The following ZNF740 variants were observed in gnomAD, a reference collection of about 807,000 sequenced individuals.
ZNF740 encodes zinc finger protein 740.
In ZNF740, 14 loss-of-function variants were observed where a neutral mutation model predicts 24.8. The ratio of observed to expected loss-of-function variants is 0.56; its 90% CI spans 0.37 to 0.88. ZNF740 has a LOEUF of 0.88. Among genes scored for constraint, ZNF740 ranks in the 40% least tolerant of loss-of-function variants. The pLI is 0.00. For missense variants in ZNF740, 201 were observed against 247.9 expected (o/e 0.81, Z 1.27); for synonymous variants, 69 against 84.0 (o/e 0.82, Z 0.98).
intron 1 of ZNF740, 158 bp from the exon 2 acceptor site, chr12:53,181,519 C>A (rs1243683986): frequency 2.0e-6 from 2 of 984,292 alleles, no homozygotes; most frequent in Non-Finnish European, 2.4e-6. Context: ...CCCAGGAGAC[C>A]AGTTCCTCCT....
intron 5 of ZNF740, 92 bp from the exon 6 acceptor site, chr12:53,186,299 C>T (rs1941819194): frequency 2.4e-6 from 3 of 1,267,118 alleles, no homozygotes; most frequent in African/African-American, 3.0e-5. Context: ...GGTGTCTACA[C>T]ATTACTAAGA....
Position 53,194,112 on chromosome 12 carries a change from A to G in ZNF740, c.*6522A>G, listed in dbSNP as rs1237874113. 4.5e-6 allele frequency: 7 copies of G among 1,572,946 alleles called. No individual in the cohort carries two copies. The East Asian group carries it at 1.3e-4, about 30-fold the overall frequency. On this transcript the variant is annotated 3_prime_UTR_variant, in exon 7 of 7. Transcript: ENST00000416904. ...CTCAGGCTCTCATGTCACTCCCTGTACCTGCCACCCATCTTTTCCTGCCTG... is the reference window on the plus strand; with the variant it reads ...CTCAGGCTCTCATGTCACTCCCTGTGCCTGCCACCCATCTTTTCCTGCCTG...
chr12:53,181,909 A>G lies in ZNF740; in HGVS notation c.-75A>G. On this transcript the variant is annotated 5_prime_UTR_variant, in exon 2 of 7. Transcript: ENST00000416904. ...TACCGTGATTTGGTGACAGTTCTTC[A>G]AAACGACAGTGTCTCAAGGAAAGGT... The G allele has an allele frequency of 6.4e-7, 1 of 1,568,420 alleles. No individual in the cohort carries two copies. The highest frequency in any genetic ancestry group is 8.7e-7 in the Non-Finnish European group (1 of 1,154,604).
At position 53,185,440 on chromosome 12, in the gene ZNF740, G is replaced by C. The variant is rs754285034; in HGVS notation, c.213G>C (p.Leu71Phe). 1 of 1,613,986 alleles carries C rather than the reference G, an allele frequency of 6.2e-7. No homozygotes were observed. The change falls in exon 4 of 7, where the codon TTG becomes TTC. Residue 71 changes from leucine to phenylalanine, a missense_variant. Leu to Phe is a conservative substitution (Grantham distance 22). This residue lies in a region of ZNF740 where 117 missense variants were observed against 122.3 expected (regional missense o/e 0.96). Coordinates refer to ENST00000416904, the MANE Select transcript of ZNF740 (RefSeq NM_001004304.4). Reference sequence around the variant, plus strand: ...GGAGCCGCAAAGATGATGACAGCTTGTCTGAGGCCTCTCATTCAAAAAAGA... The same window carrying C: ...GGAGCCGCAAAGATGATGACAGCTTCTCTGAGGCCTCTCATTCAAAAAAGA... ...KSRSRKDDDS[L>F]SEASHSKKTV...
Position 53,187,533 on chromosome 12 carries a change from C to A in ZNF740, c.525C>A (p.His175Gln). 6.2e-7 allele frequency: 1 copy of A among 1,614,022 alleles called. No individual in the cohort carries two copies. Among genetic ancestry groups the A allele is most frequent in the Non-Finnish European group, 8.5e-7 (1 of 1,179,894 alleles). Residue 175 changes from histidine to glutamine, a missense_variant, in exon 7 of 7, where the codon CAC (histidine) becomes CAA (glutamine). By Grantham distance (24) the His-to-Gln change is conservative. Transcript: ENST00000416904. ...CTCGGACAGATCGATTACTCAGACACAAACGGATGTGCCAAGGGTGCCAGT... is the reference window on the plus strand; with the variant it reads ...CTCGGACAGATCGATTACTCAGACAAAAACGGATGTGCCAAGGGTGCCAGT... ...CFSRTDRLLR[H>Q]KRMCQGCQSK...
In ZNF740 at chr12:53,181,906, T is replaced by A; in HGVS notation, c.-78T>A. On this transcript the variant is annotated 5_prime_UTR_variant, in exon 2 of 7. Coordinates refer to ENST00000416904, the MANE Select transcript of ZNF740 (RefSeq NM_001004304.4). ...CGCTACCGTGATTTGGTGACAGTTC[T>A]TCAAAACGACAGTGTCTCAAGGAAA... The A allele has an allele frequency of 6.4e-7, 1 of 1,563,680 alleles. No individual in the cohort carries two copies.
chr12:53,192,011 C>T lies in ZNF740; in HGVS notation c.*4421C>T. ...CCCAGCACAATGGCCTGCGTGTGGT[C>T]TGCTCCCTCTGTGAACAAGAAACCA... On this transcript the variant is annotated 3_prime_UTR_variant, in exon 7 of 7. Transcript: ENST00000416904. 1.9e-6 allele frequency: 3 copies of T among 1,611,446 alleles called. No individual in the cohort carries two copies. The highest frequency in any genetic ancestry group is 2.5e-6 in the Non-Finnish European group (3 of 1,178,744).
At position 53,193,540 on chromosome 12, in the gene ZNF740, A is replaced by AG; in HGVS notation, c.*5955dup. 2 of 748,332 alleles carry AG rather than the reference A, an allele frequency of 2.7e-6. No individual in the cohort carries two copies. Among genetic ancestry groups the AG allele is most frequent in the Non-Finnish European group, 4.3e-6 (2 of 462,850 alleles). 46.4% of individuals were successfully genotyped at this position (748,332 alleles called of 1,614,324 possible). ...TGAGAGAGTGGAGGGAGCCCCAGTC[A>AG]GGGGGAGGGCCTGGACATACATGGG... On this transcript the variant is annotated 3_prime_UTR_variant, in exon 7 of 7. Coordinates refer to ENST00000416904, the MANE Select transcript of ZNF740 (RefSeq NM_001004304.4).
At position 53,188,649 on chromosome 12, in the gene ZNF740, C is replaced by T. The variant is rs1941869944; in HGVS notation, c.*1059C>T. On this transcript the variant is annotated 3_prime_UTR_variant, in exon 7 of 7. Coordinates refer to ENST00000416904, the MANE Select transcript of ZNF740 (RefSeq NM_001004304.4). ...AGGAGCTGTTCTCCCTCCCCAAGTC[C>T]TATCACTGTATTCAGGTAGAGGAGG... 6.6e-6 allele frequency: 1 copy of T among 152,246 alleles called. No individual in the cohort carries two copies. The highest frequency in any genetic ancestry group is 2.4e-5 in the African/African-American group (1 of 41,424). 9.4% of individuals were successfully genotyped at this position (152,246 alleles called of 1,614,324 possible).
chr12:53,191,538 T>TA lies in ZNF740; in HGVS notation c.*3950dup. ...GTCCTCCAAGGAGAAGAGCCTTGGGTAAGTGTCCCTCCCTCCTTCAGAGAG... is the reference window on the plus strand; with the variant it reads ...GTCCTCCAAGGAGAAGAGCCTTGGGTAAAGTGTCCCTCCCTCCTTCAGAGAG... On this transcript the variant is annotated 3_prime_UTR_variant, in exon 7 of 7. Transcript: ENST00000416904. 1 of 1,589,648 alleles carries TA rather than the reference T, an allele frequency of 6.3e-7. No individual in the cohort carries two copies. Among genetic ancestry groups the TA allele is most frequent in the Non-Finnish European group, 8.6e-7 (1 of 1,157,750 alleles).
At position 53,194,463 on chromosome 12, in the gene ZNF740, T is replaced by A. The variant is rs1942086403; in HGVS notation, c.*6873T>A. 2 of 962,988 alleles carry A rather than the reference T, an allele frequency of 2.1e-6. No individual in the cohort carries two copies. Among genetic ancestry groups the A allele is most frequent in the Non-Finnish European group, 3.1e-6 (2 of 637,054 alleles). The allele number at this position is 962,988 out of a possible 1,614,324, so 59.7% of individuals were successfully genotyped here. On this transcript the variant is annotated 3_prime_UTR_variant, in exon 7 of 7. Transcript: ENST00000416904. The stretch of plus-strand genomic sequence containing the variant: ...CACCCTGCCCTCTGCCACCTGGGGC[T>A]CCTTCCATTCTGCCCAGTCGAGGCA...
In ZNF740 at chr12:53,180,785, C is replaced by T. The variant is rs1372324049; in HGVS notation, c.-360C>T. The T allele has an allele frequency of 5.5e-6, 7 of 1,273,190 alleles. No homozygotes were observed. The highest frequency in any genetic ancestry group is 7.1e-6 in the Non-Finnish European group (7 of 982,554). 78.9% of individuals were successfully genotyped at this position (1,273,190 alleles called of 1,614,324 possible). On this transcript the variant is annotated 5_prime_UTR_variant, in exon 1 of 7. Transcript: ENST00000416904. ...GTGGGGTTGGCAGGGTGTGCTGGGG[C>T]CTGGAGGAGGCGCCGCGCGGCCAGG...
chr12:53,184,777 C>G (rs1011908726), intron 2 of ZNF740, 114 bp from the exon 3 acceptor site: 2 of 1,261,920 alleles, frequency 1.6e-6, no homozygotes, highest in Non-Finnish European at 2.2e-6. Flanking sequence ...GAGGGACATT[C>G]CCTGGAGAGA....
chr12:53,191,681 C>T lies in ZNF740; in HGVS notation c.*4091C>T. The T allele has an allele frequency of 1.3e-6, 2 of 1,576,508 alleles. No homozygotes were observed. Among genetic ancestry groups the T allele is most frequent in the Non-Finnish European group, 1.7e-6 (2 of 1,145,916 alleles). ...ATTATAAGCAAAAATCCCAGGATTC[C>T]TCGTCCCCTTTCTAGACCTAAGAGG... On this transcript the variant is annotated 3_prime_UTR_variant, in exon 7 of 7. Coordinates refer to ENST00000416904, the MANE Select transcript of ZNF740 (RefSeq NM_001004304.4).
At position 53,191,771 on chromosome 12, in the gene ZNF740, G is replaced by A. The variant is rs770390837; in HGVS notation, c.*4181G>A. 29 of 1,577,492 alleles carry A rather than the reference G, an allele frequency of 1.8e-5. No homozygotes were observed. Among genetic ancestry groups the A allele is most frequent in the Non-Finnish European group, 2.4e-5 (28 of 1,148,794 alleles). ...CAGAGGGGTTGGTTACATGTGCCAGGGGCTGGGGGAACCCAGTGGGAGGAA... is the reference window on the plus strand; with the variant it reads ...CAGAGGGGTTGGTTACATGTGCCAGAGGCTGGGGGAACCCAGTGGGAGGAA... On this transcript the variant is annotated 3_prime_UTR_variant, in exon 7 of 7. Transcript: ENST00000416904.
At position 53,192,872 on chromosome 12, in the gene ZNF740, C is replaced by T. The variant is rs758705903; in HGVS notation, c.*5282C>T. ...TCGCATGCTCTGCCCGTGCGGTTGG[C>T]ATGACAGTGACATACTCCACATTGG... On this transcript the variant is annotated 3_prime_UTR_variant, in exon 7 of 7. Transcript: ENST00000416904. 6.2e-7 allele frequency: 1 copy of T among 1,614,190 alleles called. No homozygotes were observed. The highest frequency in any genetic ancestry group is 1.7e-5 in the Admixed American group (1 of 60,024).
intron 2 of ZNF740, chr12:53,182,223 A>T (rs1941673459): frequency 1.7e-6 from 1 of 579,594 alleles, no homozygotes; most frequent in African/African-American, 1.9e-5. Context: ...CACTGATGGG[A>T]CATTTGCAAA....
rs990100661 is a variant in ZNF740 at position 53,187,812 on chromosome 12, C to G, written c.*222C>G. ...ATCTCGGGGAAGTTCTTACAGCATTCCTGGGTAGGGGAGCTAGTCCCTGGA... is the reference window on the plus strand; with the variant it reads ...ATCTCGGGGAAGTTCTTACAGCATTGCTGGGTAGGGGAGCTAGTCCCTGGA... On this transcript the variant is annotated 3_prime_UTR_variant, in exon 7 of 7. Transcript: ENST00000416904. 2 of 536,818 alleles carry G rather than the reference C, an allele frequency of 3.7e-6. No homozygotes were observed. Among genetic ancestry groups the G allele is most frequent in the Non-Finnish European group, 6.7e-6 (2 of 296,914 alleles). The allele number at this position is 536,818 out of a possible 1,614,324, so 33.3% of individuals were successfully genotyped here. A position where few individuals can be genotyped will look rare whatever the true frequency, so the allele number is the denominator to read the frequency against.
chr12:53,184,997 G>C lies in ZNF740; in HGVS notation c.116G>C (p.Gly39Ala). 1 of 1,614,034 alleles carries C rather than the reference G, an allele frequency of 6.2e-7. No individual in the cohort carries two copies. The highest frequency in any genetic ancestry group is 8.5e-7 in the Non-Finnish European group (1 of 1,179,908). The change falls in exon 3 of 7, where the codon GGC becomes GCC. Residue 39 changes from glycine to alanine, a missense_variant. By Grantham distance (60) the Gly-to-Ala change is moderately conservative. Transcript: ENST00000416904. ...ATTGCCAGCAAGCAGGCCGAGAATG[G>C]CGAGCGGGCAGGTAGCCCTGATGTG... The part of the protein sequence containing the change: ...SQIASKQAEN[G>A]ERAGSPDVLR...
Sources: allele counts gnomAD v4.1 joint callset, GRCh38; gene constraint gnomAD v4.1.1; regional missense constraint gnomAD v4.1.1; transcripts MANE v1.5; gene names NCBI Gene and HGNC (gene_info 2026-07-23, HGNC 2026-07-21).